TMEM135: variants seen among roughly 807,000 people sequenced by gnomAD.
The protein encoded by TMEM135 is peroxisomal membrane protein 52.
Under a neutral mutation model 60.3 loss-of-function variants are expected in TMEM135, and 30 were observed. The observed-to-expected ratio is 0.50, with a 90% CI of 0.37 to 0.68. TMEM135 has a LOEUF of 0.68. Ranked by LOEUF, TMEM135 falls within the 30% of genes least tolerant of loss-of-function variation. The pLI, the probability that TMEM135 is intolerant of heterozygous loss-of-function variation, is 0.00. For missense variants in TMEM135, 468 were observed against 548.8 expected (o/e 0.85, Z 1.47); for synonymous variants, 190 against 186.7 (o/e 1.02, Z -0.14).
intron 6 of TMEM135, among the ~76,000 whole-genome samples, chr11:87,286,927 T>C (rs1942176807): frequency 6.6e-6 from 1 of 152,234 alleles, no homozygotes; most frequent in African/African-American, 2.4e-5. Context: ...ATTAATTTTG[T>C]TCACATAAAA....
chr11:87,221,510 TTTGCCTGTAGACAGACACTGA>T (rs1246360018), intron 5 of TMEM135, among the ~76,000 whole-genome samples: 3 of 152,226 alleles, frequency 2.0e-5, no homozygotes, highest in African/African-American at 7.2e-5. Flanking sequence ...AAATTATGGT[TTTGCCTGTAGACAGACACTGA>T]TTGCCTGTTG....
At chr11:87,194,870 A>C (rs964659542) in intron 5 of TMEM135, among the ~76,000 whole-genome samples, 1 of 152,328 alleles carries the variant, frequency 6.6e-6, no homozygotes, top group Middle Eastern at 3.4e-3. Context: ...ATACTGTGTC[A>C]TGAGGTTATC....
intron 5 of TMEM135, among the ~76,000 whole-genome samples, chr11:87,180,333 A>G (rs1939484337): frequency 6.6e-6 from 1 of 152,150 alleles, no homozygotes; most frequent in Non-Finnish European, 1.5e-5. Flanking sequence ...AGGGGAGAAT[A>G]TCTGTTAGTT....
chr11:87,272,836 G>T (rs985407434), intron 6 of TMEM135, among the ~76,000 whole-genome samples: 1 of 152,114 alleles, frequency 6.6e-6, no homozygotes, highest in Non-Finnish European at 1.5e-5. Context: ...TTGTTACAAT[G>T]TCTCTTTTGA....
At chr11:87,261,873 C>A (rs1395784039) in intron 6 of TMEM135, among the ~76,000 whole-genome samples, 1 of 152,178 alleles carries the variant, frequency 6.6e-6, no homozygotes, top group Non-Finnish European at 1.5e-5. Context: ...AATCGGCCTG[C>A]CTTGGCCTGC....
chr11:87,263,133 A>G (rs961573186), intron 6 of TMEM135, among the ~76,000 whole-genome samples: 1 of 152,190 alleles, frequency 6.6e-6, no homozygotes, highest in African/African-American at 2.4e-5. Flanking sequence ...GCATGTAACA[A>G]CTAATATGAA....
chr11:87,162,954 C>A (rs1416464471), intron 5 of TMEM135, among the ~76,000 whole-genome samples: 9 of 151,202 alleles, frequency 6.0e-5, no homozygotes, highest in Admixed American at 5.3e-4. Context: ...TTTTGATTTG[C>A]ATTTCTCTAA....
chr11:87,089,315 G>T (rs1857159412), intron 3 of TMEM135, among the ~76,000 whole-genome samples: 1 of 152,142 alleles, frequency 6.6e-6, no homozygotes, highest in Non-Finnish European at 1.5e-5. Flanking sequence ...CAGGAGGATG[G>T]CCTAAATCCA....
chr11:87,116,087 A>T (rs942735008), intron 4 of TMEM135, among the ~76,000 whole-genome samples: 17 of 152,108 alleles, frequency 1.1e-4, no homozygotes, highest in African/African-American at 2.7e-4. Context: ...ATCAGTTAAC[A>T]TTCATTCTGT....
chr11:87,230,920 C>A (rs1246987205), intron 5 of TMEM135, among the ~76,000 whole-genome samples: 1 of 151,650 alleles, frequency 6.6e-6, no homozygotes, highest in African/African-American at 2.4e-5. Flanking sequence ...TGATTTGATA[C>A]CCGTGATAGA....
At chr11:87,105,190 T>C (rs975800574) in intron 4 of TMEM135, among the ~76,000 whole-genome samples, 3 of 152,240 alleles carry the variant, frequency 2.0e-5, no homozygotes, top group Non-Finnish European at 4.4e-5. Flanking sequence ...GTCCTGCTAA[T>C]GTGGCATATC....
intron 4 of TMEM135, among the ~76,000 whole-genome samples, chr11:87,153,839 A>T (rs1210764718): frequency 1.3e-5 from 2 of 152,226 alleles, no homozygotes; most frequent in Non-Finnish European, 2.9e-5. Context: ...ACAGTGTTCT[A>T]CACTGTATCA....
At chr11:87,127,751 G>A (rs567008975) in intron 4 of TMEM135, among the ~76,000 whole-genome samples, 1 of 152,120 alleles carries the variant, frequency 6.6e-6, no homozygotes. Flanking sequence ...TTTGTTTGGT[G>A]CTTTGGCACC....
intron 5 of TMEM135, among the ~76,000 whole-genome samples, chr11:87,211,695 T>G (rs2135343695): frequency 6.6e-6 from 1 of 152,282 alleles, no homozygotes; most frequent in East Asian, 1.9e-4. Flanking sequence ...TAAAATATCA[T>G]TGAAATTCTC....
chr11:87,089,563 A>T (rs2135166242), intron 3 of TMEM135, among the ~76,000 whole-genome samples: 1 of 152,266 alleles, frequency 6.6e-6, no homozygotes, highest in South Asian at 2.1e-4. Context: ...AGAAAAAGAA[A>T]AAAAAATTGT....
intron 3 of TMEM135, among the ~76,000 whole-genome samples, chr11:87,079,720 G>A (rs1856946029): frequency 6.6e-6 from 1 of 151,186 alleles, no homozygotes; most frequent in Non-Finnish European, 1.5e-5. Flanking sequence ...GGGTTAGGAC[G>A]TTTACATTCA....
chr11:87,251,617 A>G, intron 6 of TMEM135, among the ~76,000 whole-genome samples: 1 of 152,046 alleles, frequency 6.6e-6, no homozygotes, highest in South Asian at 2.1e-4. Flanking sequence ...TACCATATAT[A>G]CATGTATATA....
At chr11:87,261,574 T>A (rs147843288) in intron 6 of TMEM135, among the ~76,000 whole-genome samples, 240 of 152,340 alleles carry the variant, frequency 1.6e-3, no homozygotes, top group African/African-American at 4.4e-3. Flanking sequence ...TATACCTCCC[T>A]CTTTGTACTT....
intron 3 of TMEM135, among the ~76,000 whole-genome samples, chr11:87,080,938 G>T (rs1468443705): frequency 1.3e-5 from 2 of 152,042 alleles, no homozygotes; most frequent in Non-Finnish European, 2.9e-5. Flanking sequence ...CACACGCCTT[G>T]GCCTCCCGAA....
Sources: gnomAD v4.1 joint callset for allele counts (sites outside exome capture counted in the v4.1 genomes callset) on GRCh38, gnomAD v4.1.1 for gene constraint, MANE v1.5 for transcripts, NCBI Gene and HGNC (gene_info 2026-07-23, HGNC 2026-07-21) for gene names.